The following PRMT3 variants were observed in gnomAD, a reference collection of about 807,000 sequenced individuals.
The protein encoded by PRMT3 is protein arginine N-methyltransferase 3.
In PRMT3, 62 loss-of-function variants were observed where a neutral mutation model predicts 71.9. That is an observed-to-expected ratio of 0.86 (90% confidence interval 0.70 to 1.07). The LOEUF (loss-of-function observed/expected upper bound fraction) is 1.07, where lower values mean the gene tolerates loss of function less well. Among genes scored for constraint, PRMT3 ranks in the 50% least tolerant of loss-of-function variants. The probability of loss-of-function intolerance (pLI) is 0.00; values close to 1 mark genes in which losing one functional copy is unlikely to be tolerated. For synonymous variants in PRMT3, 213 were observed against 220.4 expected (o/e 0.97, Z 0.30); for missense variants, 663 against 643.0 (o/e 1.03, Z -0.34).
At chr11:20,492,931 C>G (rs182302386) in intron 13 of PRMT3, among the ~76,000 whole-genome samples, 1 of 152,090 alleles carries the variant, frequency 6.6e-6, no homozygotes, top group South Asian at 2.1e-4. Flanking sequence ...GTGGCGCACG[C>G]CTGTAGTCCC....
intron 7 of PRMT3, among the ~76,000 whole-genome samples, chr11:20,402,604 A>G (rs955520770): frequency 6.6e-6 from 1 of 151,516 alleles, no homozygotes; most frequent in Non-Finnish European, 1.5e-5. Flanking sequence ...GAAAGGAGCA[A>G]AACATGTTCA....
intron 5 of PRMT3, among the ~76,000 whole-genome samples, chr11:20,394,607 T>C (rs1031864263): frequency 3.9e-5 from 6 of 152,210 alleles, no homozygotes. Flanking sequence ...ATTTTTGTGG[T>C]GAGAACAGTT....
At chr11:20,415,036 G>GTATGTA (rs71063633) in intron 9 of PRMT3, among the ~76,000 whole-genome samples, 1 of 150,938 alleles carries the variant, frequency 6.6e-6, no homozygotes, top group Non-Finnish European at 1.5e-5. Flanking sequence ...GTGTGTGTGT[G>GTATGTA]TGTGTGTGTG....
In PRMT3 at chr11:20,474,408, G is replaced by A. The variant is rs61876989; in HGVS notation, c.1347+9862G>A. On this transcript the variant is annotated intron_variant, in intron 13 of 15. Coordinates refer to ENST00000331079, the MANE Select transcript of PRMT3 (RefSeq NM_005788.4). The stretch of plus-strand genomic sequence containing the variant: ...TGGGGCCCACAGAATTACACTACTT[G>A]GCTTCCTGGATTCAGTTCCCCTCCT... Among the ~76,000 whole-genome samples the A allele has an allele frequency of 7.7e-3, 1,177 of 152,300 alleles. 9 individuals carry two copies. Among genetic ancestry groups the A allele is most frequent in the Non-Finnish European group, 0.012 (838 of 68,022 alleles).
At chr11:20,456,376 C>G (rs186167115) in intron 11 of PRMT3, among the ~76,000 whole-genome samples, 189 of 152,194 alleles carry the variant, frequency 1.2e-3, no homozygotes, top group Non-Finnish European at 1.9e-3. Flanking sequence ...ACATTTATGT[C>G]TATGATTTAT....
At chr11:20,444,309 A>C (rs1394119037) in intron 10 of PRMT3, among the ~76,000 whole-genome samples, 6 of 152,194 alleles carry the variant, frequency 3.9e-5, no homozygotes, top group Non-Finnish European at 7.4e-5. Flanking sequence ...TCATTTAACA[A>C]ATAGTGTGGC....
intron 15 of PRMT3, among the ~76,000 whole-genome samples, chr11:20,497,898 A>G (rs1022855925): frequency 1.3e-5 from 2 of 152,366 alleles, no homozygotes; most frequent in South Asian, 2.1e-4. Flanking sequence ...CAAAATGGAT[A>G]CATTCAACCA....
intron 13 of PRMT3, among the ~76,000 whole-genome samples, chr11:20,469,280 A>G (rs552675110): frequency 3.9e-5 from 6 of 152,050 alleles, no homozygotes; most frequent in Admixed American, 2.6e-4. Flanking sequence ...TTTAGAAGTC[A>G]TATGTTTTAT....
intron 11 of PRMT3, among the ~76,000 whole-genome samples, chr11:20,454,199 T>G (rs904913845): frequency 6.6e-6 from 1 of 152,178 alleles, no homozygotes; most frequent in African/African-American, 2.4e-5. Context: ...CCAGTATTCA[T>G]GTTCTTTTTA....
chr11:20,434,088 A>G (rs376879489), intron 10 of PRMT3, among the ~76,000 whole-genome samples: 1 of 152,140 alleles, frequency 6.6e-6, no homozygotes, highest in Admixed American at 6.5e-5. Flanking sequence ...GTGAGATGGT[A>G]TCTCATTGTG....
chr11:20,404,211 GTTTTT>G lies in PRMT3; in HGVS notation c.771+1264_771+1268del, dbSNP rs71063629. Among the ~76,000 whole-genome samples, 152 of 34,318 alleles carry G rather than the reference GTTTTT, an allele frequency of 4.4e-3. 31 individuals carry two copies. Among genetic ancestry groups the G allele is most frequent in the Admixed American group, 0.03 (71 of 2,370 alleles). The allele number at this position is 34,318 out of a possible 152,430, so 22.5% of individuals were successfully genotyped here. On this transcript the variant is annotated intron_variant, in intron 8 of 15. Transcript: ENST00000331079. Reference sequence around the variant, plus strand: ...GTTACTATAGTGGAGACTTTTCATAGTTTTTTTTTTTTTTTTTTTTTTTTTTTTTT... The same window carrying G: ...GTTACTATAGTGGAGACTTTTCATAGTTTTTTTTTTTTTTTTTTTTTTTTT...
chr11:20,446,792 A>G (rs971954321), intron 10 of PRMT3, among the ~76,000 whole-genome samples: 3 of 152,116 alleles, frequency 2.0e-5, no homozygotes, highest in African/African-American at 7.2e-5. Context: ...ACATTTTCCT[A>G]CCCATTCTAT....
intron 9 of PRMT3, among the ~76,000 whole-genome samples, 194 bp from the exon 10 acceptor site, chr11:20,426,572 A>G (rs760523602): frequency 6.6e-6 from 1 of 152,212 alleles, no homozygotes; most frequent in Admixed American, 6.5e-5. Flanking sequence ...CTGTATTGCC[A>G]TATTAACCAC....
At chr11:20,493,547 C>G (rs1453169283) in intron 13 of PRMT3, among the ~76,000 whole-genome samples, 4 of 152,208 alleles carry the variant, frequency 2.6e-5, no homozygotes, top group Non-Finnish European at 5.9e-5. Context: ...TTGACTACAG[C>G]TGGAGAAGTC....
chr11:20,419,545 G>C (rs775017733), intron 9 of PRMT3, among the ~76,000 whole-genome samples: 6 of 152,166 alleles, frequency 3.9e-5, no homozygotes, highest in Non-Finnish European at 7.4e-5. Context: ...TTTGTGAGTT[G>C]AGTAAGGAAT....
intron 13 of PRMT3, among the ~76,000 whole-genome samples, chr11:20,473,180 G>A (rs1046558556): frequency 6.6e-6 from 1 of 151,948 alleles, no homozygotes; most frequent in East Asian, 1.9e-4. Flanking sequence ...CAAAAAAACA[G>A]CTCCTGGATT....
intron 10 of PRMT3, among the ~76,000 whole-genome samples, chr11:20,437,892 A>T (rs1050993490): frequency 2.6e-5 from 4 of 152,104 alleles, no homozygotes; most frequent in African/African-American, 9.7e-5. Flanking sequence ...CCCGGCCGGC[A>T]GCAGCATAGT....
intron 12 of PRMT3, among the ~76,000 whole-genome samples, chr11:20,463,934 G>A (rs1850446714): frequency 6.6e-6 from 1 of 152,170 alleles, no homozygotes; most frequent in African/African-American, 2.4e-5. Context: ...TTTGAATTGT[G>A]TGGTTTCTCC....
Position 20,402,915 on chromosome 11 carries a change from C to T in PRMT3, c.706-4C>T. 6.2e-7 allele frequency: 1 copy of T among 1,605,930 alleles called. No individual in the cohort carries two copies. Among genetic ancestry groups the T allele is most frequent in the Non-Finnish European group, 8.5e-7 (1 of 1,172,836 alleles). ...AACACAGCGTTTTCCTCTCTCCACCCTAGGACAAAATACGAACAGAAAGCT... is the reference window on the plus strand; with the variant it reads ...AACACAGCGTTTTCCTCTCTCCACCTTAGGACAAAATACGAACAGAAAGCT... On this transcript the variant is annotated splice_polypyrimidine_tract_variant and splice_region_variant and intron_variant, in intron 7 of 15. Transcript: ENST00000331079.
Sources: gnomAD v4.1 joint callset for allele counts (sites outside exome capture counted in the v4.1 genomes callset) on GRCh38, gnomAD v4.1.1 for gene constraint, MANE v1.5 for transcripts, NCBI Gene and HGNC (gene_info 2026-07-23, HGNC 2026-07-21) for gene names.